IGSF21: variants seen among roughly 807,000 people sequenced by gnomAD.
The protein encoded by IGSF21 is immunoglobin superfamily member 21.
Under a neutral mutation model 46.8 loss-of-function variants are expected in IGSF21, and 28 were observed. The observed-to-expected ratio is 0.60, with a 90% confidence interval of 0.44 to 0.82. The LOEUF (loss-of-function observed/expected upper bound fraction) is 0.82. Ranked by LOEUF, IGSF21 falls within the 40% of genes least tolerant of loss-of-function variation. The pLI, the probability that IGSF21 is intolerant of heterozygous loss-of-function variation, is 0.00. For synonymous variants in IGSF21, 284 were observed against 273.6 expected, an observed-to-expected ratio of 1.04 and a Z score of -0.38; for missense variants, 624 against 665.5, an observed-to-expected ratio of 0.94 and a Z score of 0.69.
intron 3 of IGSF21, among the ~76,000 whole-genome samples, chr1:18,295,196 T>C (rs1320231453): frequency 6.6e-6 from 1 of 152,180 alleles, no homozygotes; most frequent in African/African-American, 2.4e-5. Flanking sequence ...CCTGGTTGTA[T>C]GACCTTGGAC....
intron 2 of IGSF21, among the ~76,000 whole-genome samples, chr1:18,287,727 T>C (rs1443324245): frequency 6.6e-6 from 1 of 152,140 alleles, no homozygotes; most frequent in African/African-American, 2.4e-5. Flanking sequence ...AGGGCATCCC[T>C]GCACTTTGTT....
At chr1:18,234,808 G>T (rs2084658434) in intron 2 of IGSF21, among the ~76,000 whole-genome samples, 1 of 151,796 alleles carries the variant, frequency 6.6e-6, no homozygotes, top group African/African-American at 2.4e-5. Context: ...ATTTGGGTGG[G>T]GGCACAGCCA....
chr1:18,141,205 C>A (rs554840925), intron 1 of IGSF21, among the ~76,000 whole-genome samples: 2 of 152,296 alleles, frequency 1.3e-5, no homozygotes, highest in Admixed American at 6.5e-5. Context: ...AAGGTCTCAT[C>A]TAGTCGGGAG....
At position 18,364,667 on chromosome 1, in the gene IGSF21, C is replaced by T. The variant is rs190170001; in HGVS notation, c.541-556C>T. ...GAGATGTTTGCTCTCACCTCATCCC[C>T]GCACCTAGCTTCCTCCCACACATGC... On this transcript the variant is annotated intron_variant, in intron 5 of 9. Transcript: ENST00000251296. 1.9e-3 allele frequency among the ~76,000 whole-genome samples: 285 copies of T among 152,238 alleles called. 1 individual carries two copies. Among genetic ancestry groups the T allele is most frequent in the Admixed American group, 3.1e-3 (47 of 15,296 alleles).
intron 1 of IGSF21, among the ~76,000 whole-genome samples, chr1:18,179,507 C>T (rs1374137897): frequency 1.3e-5 from 2 of 152,178 alleles, no homozygotes; most frequent in South Asian, 2.1e-4. Context: ...GTAATCCAGG[C>T]TGGATTTGTA....
At chr1:18,262,101 T>C (rs1291603685) in intron 2 of IGSF21, among the ~76,000 whole-genome samples, 1 of 152,134 alleles carries the variant, frequency 6.6e-6, no homozygotes, top group African/African-American at 2.4e-5. Flanking sequence ...CTCAAGAATT[T>C]GCATACAGCA....
intron 3 of IGSF21, among the ~76,000 whole-genome samples, chr1:18,309,509 A>G (rs1385483644): frequency 6.6e-6 from 1 of 152,106 alleles, no homozygotes; most frequent in East Asian, 1.9e-4. Context: ...CTTCTCCACT[A>G]GACCACACCC....
chr1:18,264,488 T>A (rs2084973672), intron 2 of IGSF21, among the ~76,000 whole-genome samples: 1 of 152,146 alleles, frequency 6.6e-6, no homozygotes, highest in African/African-American at 2.4e-5. Context: ...CCTTAGTTTT[T>A]CCAGCAGTGA....
intron 1 of IGSF21, among the ~76,000 whole-genome samples, chr1:18,154,317 G>T (rs562454956): frequency 8.2e-4 from 124 of 152,138 alleles, no homozygotes; most frequent in African/African-American, 2.9e-3. Context: ...TTTCAAGGCC[G>T]CGAGTCCCAT....
At chr1:18,202,390 A>T (rs972188343) in intron 1 of IGSF21, among the ~76,000 whole-genome samples, 17 of 152,102 alleles carry the variant, frequency 1.1e-4, no homozygotes, top group Admixed American at 7.2e-4. Context: ...CCCTTCTTTT[A>T]TGCCTAAATC....
chr1:18,165,051 G>A (rs1027500765), intron 1 of IGSF21, among the ~76,000 whole-genome samples: 5 of 151,856 alleles, frequency 3.3e-5, no homozygotes, highest in South Asian at 2.1e-4. Flanking sequence ...ATGTCCCTAC[G>A]AAGGATATGA....
intron 1 of IGSF21, among the ~76,000 whole-genome samples, chr1:18,117,076 C>T (rs1219437678): frequency 6.6e-6 from 1 of 152,220 alleles, no homozygotes; most frequent in Non-Finnish European, 1.5e-5. Context: ...GAGTGGCATT[C>T]CCAGAGCAGG....
intron 1 of IGSF21, among the ~76,000 whole-genome samples, chr1:18,219,295 G>C (rs1358501449): frequency 1.3e-5 from 2 of 152,336 alleles, no homozygotes; most frequent in East Asian, 3.9e-4. Flanking sequence ...TGGGTATCTA[G>C]GGAAAGATTG....
intron 1 of IGSF21, among the ~76,000 whole-genome samples, chr1:18,161,744 G>A (rs528261541): frequency 1.8e-4 from 28 of 152,278 alleles, no homozygotes; most frequent in Admixed American, 3.9e-4. Context: ...ATACAGTCTC[G>A]CGTGGCGGTG....
chr1:18,321,724 C>T (rs1377140330), intron 3 of IGSF21, among the ~76,000 whole-genome samples: 1 of 152,182 alleles, frequency 6.6e-6, no homozygotes, highest in Non-Finnish European at 1.5e-5. Context: ...CCCAAAAGCC[C>T]CTCCTTCTAA....
intron 1 of IGSF21, among the ~76,000 whole-genome samples, chr1:18,149,363 G>A (rs143824204): frequency 3.5e-3 from 540 of 152,318 alleles, no homozygotes; most frequent in Middle Eastern, 0.01. Flanking sequence ...CATGCACAGC[G>A]GGGATGACAC....
intron 2 of IGSF21, among the ~76,000 whole-genome samples, chr1:18,282,962 A>C (rs370248): frequency 0.032 from 4,858 of 152,284 alleles, 248 homozygotes; most frequent in African/African-American, 0.11. Context: ...ACGGATGCAC[A>C]GATGCACACC....
chr1:18,206,678 G>A (rs2084330919), intron 1 of IGSF21, among the ~76,000 whole-genome samples: 1 of 152,162 alleles, frequency 6.6e-6, no homozygotes, highest in Non-Finnish European at 1.5e-5. Context: ...GTGGGCCTGA[G>A]AAAGTGGTAG....
At chr1:18,217,566 G>A (rs1352384698) in intron 1 of IGSF21, among the ~76,000 whole-genome samples, 1 of 152,146 alleles carries the variant, frequency 6.6e-6, no homozygotes, top group East Asian at 1.9e-4. Flanking sequence ...CTTGAAAATG[G>A]CCTCAGCCAT....
Sources: allele counts gnomAD v4.1 joint callset (sites outside exome capture counted in the v4.1 genomes callset), GRCh38; gene constraint gnomAD v4.1.1; transcripts MANE v1.5; gene names NCBI Gene and HGNC (gene_info 2026-07-23, HGNC 2026-07-21).